WDR76: variants seen among roughly 807,000 people sequenced by gnomAD.
The protein encoded by WDR76 is WD repeat domain 76.
Under a neutral mutation model 70.2 loss-of-function variants are expected in WDR76, and 52 were observed. That is an observed-to-expected ratio of 0.74 (90% CI 0.59 to 0.93). The LOEUF (loss-of-function observed/expected upper bound fraction) is 0.93. WDR76 is among the 40% of genes least tolerant of loss of function. The pLI, the probability that WDR76 is intolerant of heterozygous loss-of-function variation, is 0.00. For synonymous variants in WDR76, 292 were observed against 271.1 expected, an observed-to-expected ratio of 1.08 and a Z score of -0.76; for missense variants, 756 against 760.2, an observed-to-expected ratio of 0.99 and a Z score of 0.07.
intron 12 of WDR76, among the ~76,000 whole-genome samples, chr15:43,864,605 T>C (rs574342979): frequency 5.3e-5 from 8 of 152,138 alleles, no homozygotes; most frequent in Non-Finnish European, 1.0e-4. Context: ...GTTTTCTTTT[T>C]TTTTTTTAAA....
chr15:43,867,871 A>G lies in WDR76; in HGVS notation c.*1479A>G, dbSNP rs1289299037. The G allele has an allele frequency of 2.0e-5, 3 of 152,152 alleles. No individual in the cohort carries two copies. Among genetic ancestry groups the G allele is most frequent in the African/African-American group, 7.2e-5 (3 of 41,440 alleles). 9.4% of individuals were successfully genotyped at this position (152,152 alleles called of 1,614,324 possible). On this transcript the variant is annotated 3_prime_UTR_variant, in exon 13 of 13. Coordinates refer to ENST00000263795, the MANE Select transcript of WDR76 (RefSeq NM_024908.4). ...AATATTACTGTGTGACATCTATCCA[A>G]CTTTTTTCATTATTCTTCATTGCCA...
Position 43,861,345 on chromosome 15 carries a change from C to T in WDR76, c.1575C>T (p.Ser525=), listed in dbSNP as rs779104815. The change falls in exon 12 of 13, where the codon AGC becomes AGT. Residue 525 remains serine, a synonymous_variant. Coordinates refer to ENST00000263795, the MANE Select transcript of WDR76 (RefSeq NM_024908.4). ...CTTTATTTTGCAGAATTTTTGACAG[C>T]AGCTGTATATCTTCTAAGATTCCGC... The part of the protein sequence containing the change: ...CADCNLRIFD[S]SCISSKIPLL... The T allele has an allele frequency of 1.5e-5, 24 of 1,613,786 alleles. No homozygotes were observed. The highest frequency in any genetic ancestry group is 1.8e-5 in the Non-Finnish European group (21 of 1,179,942).
At chr15:43,861,772 T>A (rs1595455240) in intron 12 of WDR76, among the ~76,000 whole-genome samples, 1 of 152,172 alleles carries the variant, frequency 6.6e-6, no homozygotes, top group African/African-American at 2.4e-5. Context: ...GGCTTCCCCA[T>A]CTTCCCACTT....
intron 2 of WDR76, among the ~76,000 whole-genome samples, chr15:43,831,774 T>A (rs925305444): frequency 1.4e-4 from 22 of 152,126 alleles, no homozygotes; most frequent in Admixed American, 1.4e-3. Context: ...TTCATTTTGG[T>A]GAAGTACAGC....
rs2087630793 is a variant in WDR76 at position 43,834,448 on chromosome 15, C to T, written c.463-613C>T. Among the ~76,000 whole-genome samples, 7 of 150,310 alleles carry T rather than the reference C, an allele frequency of 4.7e-5. No homozygotes were observed. In the Admixed American group the frequency reaches 4.7e-4, roughly 10 times the overall value. On this transcript the variant is annotated intron_variant, in intron 2 of 12. Transcript: ENST00000263795. ...CCTGAGTAGCTGGGATTACAGGCTC[C>T]TGCCACTATACCTGGCTAATTTTTT...
At chr15:43,827,224 T>C (rs2087528633) in intron 1 of WDR76, 132 bp downstream of exon 1, 1 of 1,080,916 alleles carries the variant, frequency 9.3e-7, no homozygotes, top group Admixed American at 2.3e-5. Context: ...CCTTAGGCCT[T>C]CAGCTTTGAC....
chr15:43,827,766 C>T (rs181631647), intron 1 of WDR76, among the ~76,000 whole-genome samples, 199 bp from the exon 2 acceptor site: 1 of 152,094 alleles, frequency 6.6e-6, no homozygotes, highest in African/African-American at 2.4e-5. Flanking sequence ...AGGATGGTCT[C>T]GATCTCCTGA....
chr15:43,845,850 G>A (rs556614195), intron 8 of WDR76, among the ~76,000 whole-genome samples: 1 of 150,386 alleles, frequency 6.6e-6, no homozygotes, highest in African/African-American at 2.4e-5. Context: ...AATGCCATAA[G>A]GACAATTAAT....
At chr15:43,834,590 G>C (rs530004248) in intron 2 of WDR76, among the ~76,000 whole-genome samples, 50 of 152,006 alleles carry the variant, frequency 3.3e-4, no homozygotes, top group African/African-American at 1.1e-3. Flanking sequence ...GGGATTACAG[G>C]TGTGAGCCAC....
At position 43,833,410 on chromosome 15, in the gene WDR76, C is replaced by T. The variant is rs530034001; in HGVS notation, c.463-1651C>T. On this transcript the variant is annotated intron_variant, in intron 2 of 12. Transcript: ENST00000263795. ...CTCGGCTCACTGCAAGCTCCGCCTC[C>T]CGGGTTCATGCCATTCTCCTGCCTC... is the stretch of plus-strand genomic sequence containing the variant. 1.8e-3 allele frequency among the ~76,000 whole-genome samples: 273 copies of T among 151,476 alleles called. 3 individuals carry two copies. The highest frequency in any genetic ancestry group is 6.3e-3 in the African/African-American group (260 of 41,270).
At chr15:43,846,535 C>T (rs1305643563) in intron 8 of WDR76, among the ~76,000 whole-genome samples, 1 of 147,722 alleles carries the variant, frequency 6.8e-6, no homozygotes, top group African/African-American at 2.4e-5. Flanking sequence ...CCACCTGCTT[C>T]AGCCTCCCAA....
At chr15:43,839,573 A>G in intron 4 of WDR76, 32 bp from the exon 5 acceptor site, 1 of 1,581,110 alleles carries the variant, frequency 6.3e-7, no homozygotes, top group Non-Finnish European at 8.6e-7. Context: ...TTGTTTTGTG[A>G]GTATAACATG....
Position 43,842,660 on chromosome 15 carries a change from T to C in WDR76, c.867T>C (p.Ser289=). The change falls in exon 7 of 13, where the codon TCT becomes TCC. Residue 289 remains serine, a synonymous_variant. Transcript: ENST00000263795. ...PSSKNTEKGL[S]SIKSYKANLN... ...GTAAGAACACTGAGAAGGGATTATC[T>C]AGCATTAAAAGGTAAGTTGAAATTC... The C allele has an allele frequency of 6.2e-7, 1 of 1,609,408 alleles. No individual in the cohort carries two copies. Among genetic ancestry groups the C allele is most frequent in the Non-Finnish European group, 8.5e-7 (1 of 1,178,676 alleles).
rs144866626 is a variant in WDR76, at chr15:43,846,484, A to G, written c.1032+2430A>G. On this transcript the variant is annotated intron_variant, in intron 8 of 12. Transcript: ENST00000263795. ...ACTTTTTGTAGAGATGGGTCTCACT[A>G]TGTTGCCTAGGCTCATCTCAAACTC... Among the ~76,000 whole-genome samples the G allele has an allele frequency of 2.8e-3, 410 of 148,744 alleles. 6 individuals carry two copies. Among genetic ancestry groups the G allele is most frequent in the African/African-American group, 9.3e-3 (384 of 41,184 alleles).
chr15:43,837,814 CT>C (rs1294856468), intron 4 of WDR76, among the ~76,000 whole-genome samples: 2 of 151,984 alleles, frequency 1.3e-5, no homozygotes, highest in African/African-American at 2.4e-5. Flanking sequence ...ATATATACCC[CT>C]CCCTCCCGAT....
chr15:43,840,741 G>C (rs894817541), intron 5 of WDR76, among the ~76,000 whole-genome samples: 1 of 152,010 alleles, frequency 6.6e-6, no homozygotes, highest in Admixed American at 6.6e-5. Flanking sequence ...CACTTTGGGA[G>C]GCTGAGGCAG....
At chr15:43,834,078 A>G (rs185838913) in intron 2 of WDR76, among the ~76,000 whole-genome samples, 4 of 152,152 alleles carry the variant, frequency 2.6e-5, no homozygotes, top group African/African-American at 9.6e-5. Flanking sequence ...TCTACTTTCT[A>G]AATTTAAGCC....
At chr15:43,831,884 A>C (rs2087594431) in intron 2 of WDR76, among the ~76,000 whole-genome samples, 1 of 149,896 alleles carries the variant, frequency 6.7e-6, no homozygotes, top group African/African-American at 2.5e-5. Context: ...CCCAGGCTGG[A>C]ATGTAGTGGT....
intron 11 of WDR76, among the ~76,000 whole-genome samples, chr15:43,859,291 A>T (rs1271090730): frequency 6.6e-6 from 1 of 152,190 alleles, no homozygotes; most frequent in Non-Finnish European, 1.5e-5. Context: ...TAGCTTTAGT[A>T]CCTTCCTATA....
Sources: gnomAD v4.1 joint callset for allele counts (sites outside exome capture counted in the v4.1 genomes callset) on GRCh38, gnomAD v4.1.1 for gene constraint, MANE v1.5 for transcripts, NCBI Gene and HGNC (gene_info 2026-07-23, HGNC 2026-07-21) for gene names.